The following WWC1 variants were observed in gnomAD, a reference collection of about 807,000 sequenced individuals.
WWC1 encodes WW and C2 domain containing 1.
Under a neutral mutation model 138.4 loss-of-function variants are expected in WWC1, and 55 were observed. The ratio of observed to expected loss-of-function variants is 0.40; its 90% confidence interval spans 0.32 to 0.50. WWC1 has a LOEUF of 0.50. Among genes scored for constraint, WWC1 ranks in the 20% least tolerant of loss-of-function variants. The pLI, the probability that WWC1 is intolerant of heterozygous loss-of-function variation, is 0.72. For synonymous variants in WWC1, 524 were observed against 564.9 expected (o/e 0.93, Z 1.03); for missense variants, 1,226 against 1,420.4 (o/e 0.86, Z 2.20).
At chr5:168,398,175 C>T (rs1048213932) in intron 4 of WWC1, among the ~76,000 whole-genome samples, 2 of 152,146 alleles carry the variant, frequency 1.3e-5, no homozygotes, top group Middle Eastern at 3.2e-3. Flanking sequence ...ACGATCTGCG[C>T]TCACTGCGTG....
At chr5:168,417,336 C>A (rs1424339080) in intron 9 of WWC1, among the ~76,000 whole-genome samples, 4 of 152,138 alleles carry the variant, frequency 2.6e-5, no homozygotes, top group Admixed American at 2.6e-4. Context: ...TGAGGCTCTT[C>A]CCTTCTGTAA....
chr5:168,316,973 A>T (rs1199257170), intron 1 of WWC1, among the ~76,000 whole-genome samples: 1 of 152,226 alleles, frequency 6.6e-6, no homozygotes, highest in East Asian at 1.9e-4. Flanking sequence ...TTCATATTCA[A>T]AAAAGAGTAA....
rs373138832 is a variant in WWC1, at chr5:168,453,032, C to G, written c.2526-936C>G. 5.9e-5 allele frequency among the ~76,000 whole-genome samples: 9 copies of G among 152,290 alleles called. No individual in the cohort carries two copies. The East Asian group carries it at 9.7e-4, about 16-fold the overall frequency. ...TTGAGCCCAGTAGTTTGAGACCAGC[C>G]TGGGCAACATACCAAAACTCTGTCT... On this transcript the variant is annotated intron_variant, in intron 17 of 22. Coordinates refer to ENST00000265293, the MANE Select transcript of WWC1 (RefSeq NM_015238.3).
chr5:168,466,201 A>G (rs1196120535), intron 21 of WWC1, among the ~76,000 whole-genome samples: 2 of 152,204 alleles, frequency 1.3e-5, no homozygotes, highest in African/African-American at 4.8e-5. Flanking sequence ...AACAACTGGA[A>G]GGGTAAAAAT....
At chr5:168,327,721 A>G (rs964624854) in intron 1 of WWC1, among the ~76,000 whole-genome samples, 7 of 152,350 alleles carry the variant, frequency 4.6e-5, no homozygotes, top group East Asian at 1.9e-4. Flanking sequence ...ATGAAAGGCC[A>G]GTGCTTGTAG....
At chr5:168,422,417 T>C (rs1347328292) in intron 10 of WWC1, among the ~76,000 whole-genome samples, 1 of 152,080 alleles carries the variant, frequency 6.6e-6, no homozygotes. Flanking sequence ...TCGCTTCAGC[T>C]CAGGAGTTTG....
At chr5:168,301,843 G>GAACTAA (rs1770116037) in intron 1 of WWC1, among the ~76,000 whole-genome samples, 1 of 152,054 alleles carries the variant, frequency 6.6e-6, no homozygotes, top group Admixed American at 6.6e-5. Flanking sequence ...AACGGTAGAG[G>GAACTAA]AACTAAAACC....
Position 168,292,817 on chromosome 5 carries a change from C to A in WWC1, c.119+546C>A, listed in dbSNP as rs933752117. Among the ~76,000 whole-genome samples, 4 of 152,076 alleles carry A rather than the reference C, an allele frequency of 2.6e-5. No homozygotes were observed. Among genetic ancestry groups the A allele is most frequent in the Non-Finnish European group, 4.4e-5 (3 of 68,020 alleles). ...TGCTTTTTGACAGGTGCCTTGGAAG[C>A]TGCTGAGAACAGCACAGGGGCAGCC... On this transcript the variant is annotated intron_variant, in intron 1 of 22. Transcript: ENST00000265293. The surrounding 1 kb of genome is among the most constrained non-coding windows in gnomAD (Gnocchi z 4.4).
At chr5:168,358,569 TAGCTGAGTGTCCTTGG>T (rs1430918085) in intron 1 of WWC1, among the ~76,000 whole-genome samples, 1 of 152,222 alleles carries the variant, frequency 6.6e-6, no homozygotes, top group Non-Finnish European at 1.5e-5. Flanking sequence ...GCCTCTCAAC[TAGCTGAGTGTCCTTGG>T]ATGAACCAGT....
chr5:168,430,005 G>C, intron 13 of WWC1, 132 bp from the exon 14 acceptor site: 1 of 665,000 alleles, frequency 1.5e-6, no homozygotes, highest in East Asian at 2.7e-5. Flanking sequence ...AAAGCACTGG[G>C]CCTGTGCTCT....
At chr5:168,387,829 T>C (rs1174313222) in intron 3 of WWC1, among the ~76,000 whole-genome samples, 1 of 152,196 alleles carries the variant, frequency 6.6e-6, no homozygotes, top group Non-Finnish European at 1.5e-5. Context: ...ATTCAGTCCG[T>C]ACCATTTTTG....
intron 1 of WWC1, among the ~76,000 whole-genome samples, chr5:168,338,536 C>T (rs1184182188): frequency 6.6e-6 from 1 of 151,340 alleles, no homozygotes; most frequent in East Asian, 2.0e-4. Context: ...CTCAGCCTTC[C>T]GAGTAGCTGA....
At chr5:168,319,368 C>T (rs888150111) in intron 1 of WWC1, among the ~76,000 whole-genome samples, 3 of 152,002 alleles carry the variant, frequency 2.0e-5, no homozygotes, top group Non-Finnish European at 2.9e-5. Context: ...TGCAGTAAGC[C>T]GAGATTGCAA....
intron 3 of WWC1, among the ~76,000 whole-genome samples, chr5:168,388,044 C>G (rs1778176864): frequency 6.6e-6 from 1 of 151,968 alleles, no homozygotes. Context: ...TGAGAATTAC[C>G]CTACAAATCA....
chr5:168,431,337 G>A lies in WWC1; in HGVS notation c.2173G>A (p.Val725Met), dbSNP rs1312398978. 1.9e-6 allele frequency: 3 copies of A among 1,614,172 alleles called. No individual in the cohort carries two copies. In the South Asian group the frequency reaches 3.3e-5, roughly 18 times the overall value. Residue 725 changes from valine (V) to methionine (M), a missense_variant, in exon 15 of 23, where the codon GTG becomes ATG. Around this residue, in one of 3 missense-constraint regions of WWC1, gnomAD observed 1,016 missense variants for 1,153.9 expected, o/e 0.88. Coordinates refer to ENST00000265293, the MANE Select transcript of WWC1 (RefSeq NM_015238.3). ...GCCTCTGGACGCCTCAGACACTCTAGTGTTCAATGAGGTGTTCTGGGTATC... is the reference window on the plus strand; with the variant it reads ...GCCTCTGGACGCCTCAGACACTCTAATGTTCAATGAGGTGTTCTGGGTATC... The part of the protein sequence containing the change: ...TRPLDASDTL[V>M]FNEVFWVSMS...
intron 3 of WWC1, among the ~76,000 whole-genome samples, chr5:168,392,548 C>T (rs563994748): frequency 4.4e-4 from 67 of 152,216 alleles, no homozygotes; most frequent in Non-Finnish European, 7.9e-4. Context: ...AGAAAATTAT[C>T]CGAGTGTGGT....
chr5:168,380,331 C>T (rs1279053406), intron 2 of WWC1, among the ~76,000 whole-genome samples: 1 of 151,990 alleles, frequency 6.6e-6, no homozygotes, highest in Non-Finnish European at 1.5e-5. Context: ...TCAGCTGGGG[C>T]ATGGTGGTAC....
chr5:168,452,282 G>T (rs1755902736), intron 17 of WWC1, among the ~76,000 whole-genome samples: 1 of 152,280 alleles, frequency 6.6e-6, no homozygotes, highest in East Asian at 1.9e-4. Context: ...GCTGATTTGT[G>T]TCCCCCCAAA....
intron 1 of WWC1, among the ~76,000 whole-genome samples, chr5:168,339,810 C>G (rs74521177): frequency 0.044 from 3,957 of 90,680 alleles, 92 homozygotes; most frequent in South Asian, 0.11. Context: ...TTTTGTTTTT[C>G]TTTCTTTCTT....
Sources: gnomAD v4.1 joint callset for allele counts (sites outside exome capture counted in the v4.1 genomes callset) on GRCh38, gnomAD v4.1.1 for gene constraint, gnomAD v4.1.1 regional missense constraint, Gnocchi (gnomAD v3.1) non-coding constraint, MANE v1.5 for transcripts, NCBI Gene and HGNC (gene_info 2026-07-23, HGNC 2026-07-21) for gene names.